Variants in FREM3 observed in about 807,000 individuals in gnomAD.
The protein encoded by FREM3 is FRAS1-related extracellular matrix protein 3.
A neutral mutation model predicts 129.1 loss-of-function variants in FREM3; 105 were observed. The observed-to-expected ratio is 0.81, with a 90% confidence interval of 0.69 to 0.96. The LOEUF (loss-of-function observed/expected upper bound fraction) is 0.96, where lower values mean the gene tolerates loss of function less well. Among genes scored for constraint, FREM3 ranks in the 40% least tolerant of loss-of-function variants. FREM3 has a pLI of 0.00. For missense variants in FREM3, 2,593 were observed against 2,666.3 expected (o/e 0.97, Z 0.61); for synonymous variants, 1,014 against 1,044.9 (o/e 0.97, Z 0.57).
chr4:143,691,875 A>G (rs1188375008), intron 2 of FREM3, among the ~76,000 whole-genome samples: 2 of 152,154 alleles, frequency 1.3e-5, no homozygotes, highest in Admixed American at 6.5e-5. Context: ...AAAATATTCA[A>G]TATAAAATAT....
At chr4:143,683,195 T>C (rs775261726) in intron 2 of FREM3, among the ~76,000 whole-genome samples, 9 of 152,182 alleles carry the variant, frequency 5.9e-5, no homozygotes, top group Non-Finnish European at 1.0e-4. Context: ...CAGGATTAGA[T>C]TGCAGCTCCG....
At chr4:143,624,937 T>A (rs753222392) in intron 3 of FREM3, among the ~76,000 whole-genome samples, 4 of 152,224 alleles carry the variant, frequency 2.6e-5, no homozygotes, top group Non-Finnish European at 5.9e-5. Flanking sequence ...TTTCCTCATA[T>A]GTTTAGTGAT....
At chr4:143,624,023 A>G (rs903961441) in intron 4 of FREM3, 85 bp downstream of exon 4, 3 of 741,066 alleles carry the variant, frequency 4.0e-6, no homozygotes, top group African/African-American at 1.8e-5. Context: ...TTAGTGGCTT[A>G]CAGAGCCTGA....
intron 2 of FREM3, among the ~76,000 whole-genome samples, chr4:143,685,323 A>G (rs1303546632): frequency 6.6e-6 from 1 of 152,228 alleles, no homozygotes; most frequent in Non-Finnish European, 1.5e-5. Context: ...TACAAGCTAG[A>G]AGGGATTGGG....
intron 4 of FREM3, among the ~76,000 whole-genome samples, 172 bp from the exon 5 acceptor site, chr4:143,621,334 G>C (rs887811959): frequency 6.6e-6 from 1 of 152,190 alleles, no homozygotes; most frequent in Non-Finnish European, 1.5e-5. Flanking sequence ...TGGAGCTGGA[G>C]AGGCATTGGA....
At chr4:143,671,226 A>G (rs569894603) in intron 2 of FREM3, among the ~76,000 whole-genome samples, 6 of 152,148 alleles carry the variant, frequency 3.9e-5, no homozygotes, top group African/African-American at 1.4e-4. Flanking sequence ...TCAGGCAGGC[A>G]TTTCAATTCC....
chr4:143,616,095 T>C (rs1254937582), intron 5 of FREM3, among the ~76,000 whole-genome samples: 1 of 152,168 alleles, frequency 6.6e-6, no homozygotes, highest in African/African-American at 2.4e-5. Context: ...TTTAGATGCA[T>C]AGAAAAAACA....
chr4:143,657,465 C>T (rs1394074241), intron 2 of FREM3, among the ~76,000 whole-genome samples: 4 of 152,168 alleles, frequency 2.6e-5, no homozygotes, highest in Admixed American at 1.3e-4. Flanking sequence ...GACCTTAGAT[C>T]CCAGAGCCAG....
At chr4:143,664,506 C>A (rs1425868048) in intron 2 of FREM3, among the ~76,000 whole-genome samples, 2 of 152,130 alleles carry the variant, frequency 1.3e-5, no homozygotes, top group Admixed American at 6.5e-5. Flanking sequence ...CTGGGGGATG[C>A]CTCCCAGTTA....
chr4:143,669,079 T>A (rs1739919214), intron 2 of FREM3, among the ~76,000 whole-genome samples: 1 of 152,176 alleles, frequency 6.6e-6, no homozygotes, highest in Admixed American at 6.6e-5. Context: ...GATTTTTGGT[T>A]TCTAAAAGTG....
At position 143,698,167 on chromosome 4, in the gene FREM3, A is replaced by C; in HGVS notation, c.2509T>G (p.Phe837Val). The C allele has an allele frequency of 6.5e-7, 1 of 1,537,448 alleles. No homozygotes were observed. Among genetic ancestry groups the C allele is most frequent in the Non-Finnish European group, 8.7e-7 (1 of 1,146,966 alleles). Reference sequence around the variant, plus strand: ...AAGCTGCCTCCCTCTAAGATAGCAAAGCCTCTGTTGGTGACTTCTGGGGGC... The same window carrying C: ...AAGCTGCCTCCCTCTAAGATAGCAACGCCTCTGTTGGTGACTTCTGGGGGC... ...NQPPEVTNRG[F>V]AILEGGSFNL... is the part of the protein sequence containing the mutation. Residue 837 changes from phenylalanine (F) to valine (V), a missense_variant, in exon 1 of 8, where the codon TTT becomes GTT. This residue lies in a region of FREM3 where 2,276 missense variants were observed against 2,267.2 expected (regional missense o/e 1.00). Coordinates refer to ENST00000329798, the MANE Select transcript of FREM3 (RefSeq NM_001168235.2).
intron 2 of FREM3, among the ~76,000 whole-genome samples, chr4:143,651,459 C>G (rs1185583066): frequency 6.6e-6 from 1 of 152,346 alleles, no homozygotes; most frequent in African/African-American, 2.4e-5. Flanking sequence ...CAGAGTTTCA[C>G]TGGCAAGCAC....
intron 2 of FREM3, among the ~76,000 whole-genome samples, chr4:143,629,900 C>T (rs1739107995): frequency 6.6e-6 from 1 of 152,088 alleles, no homozygotes; most frequent in African/African-American, 2.4e-5. Flanking sequence ...GAGATCAATG[C>T]AACACAAACG....
chr4:143,597,755 T>C (rs72938286), intron 6 of FREM3, among the ~76,000 whole-genome samples: 4 of 152,218 alleles, frequency 2.6e-5, no homozygotes, highest in Admixed American at 1.3e-4. Context: ...CTACAAAACA[T>C]TGATAAAAAA....
At chr4:143,683,051 G>A (rs530773223) in intron 2 of FREM3, among the ~76,000 whole-genome samples, 3 of 152,166 alleles carry the variant, frequency 2.0e-5, no homozygotes, top group Non-Finnish European at 2.9e-5. Flanking sequence ...CTTTGAAGAC[G>A]GAGGAATGGG....
chr4:143,646,838 G>A (rs1314901398), intron 2 of FREM3, among the ~76,000 whole-genome samples: 1 of 152,196 alleles, frequency 6.6e-6, no homozygotes, highest in African/African-American at 2.4e-5. Context: ...CTTTGGAACT[G>A]GACAACTGGC....
At chr4:143,647,921 A>T (rs6419317) in intron 2 of FREM3, among the ~76,000 whole-genome samples, 110,553 of 152,054 alleles carry the variant, frequency 0.73, 40,746 homozygotes, top group East Asian at 0.94. Context: ...GAATGGTAGA[A>T]CCATTAACAG....
At chr4:143,665,408 G>A (rs1443467429) in intron 2 of FREM3, among the ~76,000 whole-genome samples, 1 of 152,092 alleles carries the variant, frequency 6.6e-6, no homozygotes, top group African/African-American at 2.4e-5. Flanking sequence ...CAAGGATTAT[G>A]TCTTTTTCTG....
At chr4:143,619,640 T>C (rs559474434) in intron 5 of FREM3, among the ~76,000 whole-genome samples, 2 of 152,226 alleles carry the variant, frequency 1.3e-5, no homozygotes, top group Non-Finnish European at 2.9e-5. Flanking sequence ...AAAATGAACA[T>C]GAGCTACATA....
Sources: gnomAD v4.1 joint callset for allele counts (sites outside exome capture counted in the v4.1 genomes callset) on GRCh38, gnomAD v4.1.1 for gene constraint, gnomAD v4.1.1 regional missense constraint, MANE v1.5 for transcripts, NCBI Gene and HGNC (gene_info 2026-07-23, HGNC 2026-07-21) for gene names.